ZMAT4: variants seen among roughly 807,000 people sequenced by gnomAD.
ZMAT4 encodes the protein zinc finger matrin-type protein 4.
Under a neutral mutation model 28.7 loss-of-function variants are expected in ZMAT4, and 17 were observed. That is an observed-to-expected ratio of 0.59 (90% CI 0.41 to 0.89). The LOEUF is 0.89. Among genes scored for constraint, ZMAT4 ranks in the 40% least tolerant of loss-of-function variants. ZMAT4 has a pLI of 0.00. For synonymous variants in ZMAT4, 117 were observed against 109.2 expected, an observed-to-expected ratio of 1.07 and a Z score of -0.44; for missense variants, 240 against 283.8, an observed-to-expected ratio of 0.85 and a Z score of 1.11.
intron 1 of ZMAT4, among the ~76,000 whole-genome samples, chr8:40,881,464 A>AAAGAAAGAAAGAAAG (rs1818234840): frequency 6.8e-6 from 1 of 146,848 alleles, no homozygotes; most frequent in African/African-American, 2.5e-5. Context: ...AGAAAGAAAG[A>AAAGAAAGAAAGAAAG]AAGAAAGAAA....
chr8:40,609,684 C>T (rs556367055), intron 5 of ZMAT4, among the ~76,000 whole-genome samples: 1 of 151,780 alleles, frequency 6.6e-6, no homozygotes, highest in Non-Finnish European at 1.5e-5. Context: ...CTGGATTCTT[C>T]TCAATTTTCT....
intron 2 of ZMAT4, among the ~76,000 whole-genome samples, chr8:40,822,470 C>A (rs1006520869): frequency 3.3e-5 from 5 of 152,154 alleles, no homozygotes; most frequent in African/African-American, 1.2e-4. Context: ...AATGGAATTT[C>A]GATCTCCTAG....
At chr8:40,808,378 G>T in intron 2 of ZMAT4, 1 of 307,640 alleles carries the variant, frequency 3.3e-6, no homozygotes, top group Non-Finnish European at 6.4e-6. Flanking sequence ...GCAGCTTAAG[G>T]GTGAATTTGG....
intron 3 of ZMAT4, among the ~76,000 whole-genome samples, chr8:40,724,868 A>C (rs534299946): frequency 5.3e-4 from 80 of 152,336 alleles, no homozygotes; most frequent in Middle Eastern, 3.4e-3. Flanking sequence ...GGCAGGATCC[A>C]GGCCAAAAGA....
In ZMAT4 at chr8:40,612,337, G is replaced by A. The variant is rs1805831975; in HGVS notation, c.578-31076C>T. ...GTGTGTCAATACAAATAATGAGCAG[G>A]AAATGCAGGTTCTATGCCATATAAG... On this transcript the variant is annotated intron_variant, in intron 5 of 6. Transcript: ENST00000297737. Among the ~76,000 whole-genome samples the A allele has an allele frequency of 1.5e-5, 2 of 135,640 alleles. 1 individual carries two copies. Among genetic ancestry groups the A allele is most frequent in the South Asian group, 4.6e-4 (2 of 4,328 alleles). 89.0% of individuals were successfully genotyped at this position (135,640 alleles called of 152,430 possible). A position where few individuals can be genotyped will look rare whatever the true frequency, so the allele number is the denominator to read the frequency against.
chr8:40,629,386 C>T (rs1266848101), intron 5 of ZMAT4, among the ~76,000 whole-genome samples: 3 of 146,724 alleles, frequency 2.0e-5, no homozygotes, highest in Non-Finnish European at 4.5e-5. Context: ...TTGACTTTGC[C>T]TGCAATGGAG....
chr8:40,855,387 C>T (rs1817260323), intron 1 of ZMAT4, among the ~76,000 whole-genome samples: 1 of 152,034 alleles, frequency 6.6e-6, no homozygotes, highest in Non-Finnish European at 1.5e-5. Context: ...TGTTGCTAGG[C>T]TCAGATGATT....
intron 5 of ZMAT4, among the ~76,000 whole-genome samples, chr8:40,650,109 A>G (rs1249805279): frequency 1.3e-5 from 2 of 152,116 alleles, no homozygotes; most frequent in Non-Finnish European, 2.9e-5. Context: ...GACACAAAAA[A>G]CCCTTCAAAA....
intron 6 of ZMAT4, among the ~76,000 whole-genome samples, chr8:40,555,640 A>G (rs1444903424): frequency 1.3e-5 from 2 of 152,158 alleles, no homozygotes; most frequent in Non-Finnish European, 2.9e-5. Flanking sequence ...GTGGCAACAC[A>G]TAACTACAAT....
intron 5 of ZMAT4, among the ~76,000 whole-genome samples, chr8:40,602,065 C>T (rs1805415780): frequency 6.6e-6 from 1 of 152,182 alleles, no homozygotes; most frequent in Admixed American, 6.5e-5. Context: ...ATTCTTATGC[C>T]TTTGTGTCCT....
chr8:40,623,767 A>G (rs1376695), intron 5 of ZMAT4, among the ~76,000 whole-genome samples: 94,911 of 152,030 alleles, frequency 0.62, 30,944 homozygotes, highest in East Asian at 0.81. Flanking sequence ...AGGCTACATA[A>G]GCCTAAGATG....
At chr8:40,548,296 A>C (rs1803264537) in intron 6 of ZMAT4, among the ~76,000 whole-genome samples, 1 of 152,126 alleles carries the variant, frequency 6.6e-6, no homozygotes, top group South Asian at 2.1e-4. Context: ...AAGATTAAAA[A>C]AAAACAGAGA....
At chr8:40,596,324 A>AT (rs1805102477) in intron 5 of ZMAT4, among the ~76,000 whole-genome samples, 1 of 152,346 alleles carries the variant, frequency 6.6e-6, no homozygotes, top group Admixed American at 6.5e-5. Flanking sequence ...TTTTGCTTCA[A>AT]TAATAAATCA....
chr8:40,532,306 C>A lies in ZMAT4; in HGVS notation c.675-68G>T, dbSNP rs1003327074. 2.0e-5 allele frequency: 28 copies of A among 1,414,780 alleles called. No individual in the cohort carries two copies. The African/African-American group carries it at 3.3e-4, about 17-fold the overall frequency. 87.6% of individuals were successfully genotyped at this position (1,414,780 alleles called of 1,614,324 possible). A position where few individuals can be genotyped will look rare whatever the true frequency, so the allele number is the denominator to read the frequency against. On this transcript the variant is annotated intron_variant, in intron 6 of 6. Transcript: ENST00000297737. ...TACAAATTCCAACACCTCTTTCTCC[C>A]CCCCACCCCCTGTCTCTCTTCTACT... is the stretch of plus-strand genomic sequence containing the variant.
chr8:40,727,995 A>G (rs1162881706), intron 3 of ZMAT4, among the ~76,000 whole-genome samples: 1 of 152,330 alleles, frequency 6.6e-6, no homozygotes, highest in South Asian at 2.1e-4. Context: ...ATAGGTAGTT[A>G]TGGGATTAGT....
At chr8:40,542,949 C>T (rs1803088701) in intron 6 of ZMAT4, among the ~76,000 whole-genome samples, 1 of 152,214 alleles carries the variant, frequency 6.6e-6, no homozygotes, top group Non-Finnish European at 1.5e-5. Context: ...ATGCCTGTGG[C>T]CTGGCCAACG....
intron 3 of ZMAT4, among the ~76,000 whole-genome samples, chr8:40,700,141 G>A (rs926218597): frequency 6.6e-6 from 1 of 152,156 alleles, no homozygotes; most frequent in Admixed American, 6.5e-5. Flanking sequence ...TTATCAAGGA[G>A]GCTGGCACCA....
At chr8:40,672,119 G>A (rs1312193017) in intron 5 of ZMAT4, among the ~76,000 whole-genome samples, 1 of 152,110 alleles carries the variant, frequency 6.6e-6, no homozygotes. Context: ...AAGTAAACAA[G>A]ACAGTGTTTA....
chr8:40,887,839 C>A (rs1464354474), intron 1 of ZMAT4, among the ~76,000 whole-genome samples: 3 of 152,182 alleles, frequency 2.0e-5, no homozygotes, highest in Non-Finnish European at 4.4e-5. Flanking sequence ...TGAGACAGAT[C>A]CTGGAATGCT....
Sources: gnomAD v4.1 joint callset for allele counts (sites outside exome capture counted in the v4.1 genomes callset) on GRCh38, gnomAD v4.1.1 for gene constraint, MANE v1.5 for transcripts, NCBI Gene and HGNC (gene_info 2026-07-23, HGNC 2026-07-21) for gene names.